TSHZ3: variants seen among roughly 807,000 people sequenced by gnomAD.
The protein encoded by TSHZ3 is teashirt zinc finger homeobox 3.
Under a neutral mutation model 64.5 loss-of-function variants are expected in TSHZ3, and 10 were observed. The observed-to-expected ratio is 0.16, with a 90% confidence interval of 0.10 to 0.26. TSHZ3 has a LOEUF of 0.26. Among genes scored for constraint, TSHZ3 ranks in the 10% least tolerant of loss-of-function variants. TSHZ3 has a pLI of 1.00. For synonymous variants in TSHZ3, 608 were observed against 593.1 expected, an observed-to-expected ratio of 1.03 and a Z score of -0.36; for missense variants, 1,242 against 1,421.7, an observed-to-expected ratio of 0.87 and a Z score of 2.03.
chr19:31,270,557 C>T, downstream of TSHZ3, among the ~76,000 whole-genome samples: 1 of 152,200 alleles, frequency 6.6e-6, no homozygotes, highest in Non-Finnish European at 1.5e-5. Context: ...TCAAGTGATT[C>T]TCCCACTTCA....
At chr19:31,222,025 G>A (rs1034427778) in intron 4 of TSHZ3, among the ~76,000 whole-genome samples, 1 of 152,166 alleles carries the variant, frequency 6.6e-6, no homozygotes, top group Non-Finnish European at 1.5e-5. Flanking sequence ...GACAGTGTAC[G>A]TGGTTGAGTT....
At chr19:31,326,735 A>G (rs1916940311) in intron 1 of TSHZ3, among the ~76,000 whole-genome samples, 1 of 152,242 alleles carries the variant, frequency 6.6e-6, no homozygotes, top group Non-Finnish European at 1.5e-5. Flanking sequence ...GGGAGAACGG[A>G]GCACATGGAA....
chr19:31,237,508 G>T (rs757136379), intron 3 of TSHZ3, among the ~76,000 whole-genome samples: 5 of 151,434 alleles, frequency 3.3e-5, no homozygotes, highest in Non-Finnish European at 5.9e-5. Context: ...TCATTAATTT[G>T]TCTTCCTAGA....
chr19:31,296,386 G>A (rs568356315), intron 1 of TSHZ3, among the ~76,000 whole-genome samples: 25 of 144,364 alleles, frequency 1.7e-4, no homozygotes, highest in African/African-American at 6.5e-4. Flanking sequence ...CCAGGCTGGA[G>A]TCCAGTGGTG....
At chr19:31,159,784 C>A (rs1599552841) in intron 5 of TSHZ3, among the ~76,000 whole-genome samples, 1 of 152,166 alleles carries the variant, frequency 6.6e-6, no homozygotes, top group East Asian at 1.9e-4. Context: ...CTTCAATCTC[C>A]TGGGTTCAAG....
At chr19:31,222,004 C>G (rs1975399822) in intron 4 of TSHZ3, among the ~76,000 whole-genome samples, 1 of 152,154 alleles carries the variant, frequency 6.6e-6, no homozygotes, top group Non-Finnish European at 1.5e-5. Context: ...GGTTGGAGCT[C>G]ATGGTCCCCT....
chr19:31,309,100 G>A (rs1916380256), intron 1 of TSHZ3, among the ~76,000 whole-genome samples: 1 of 152,224 alleles, frequency 6.6e-6, no homozygotes, highest in Non-Finnish European at 1.5e-5. Context: ...AGCTTTGCTT[G>A]GTGTGAAGAT....
chr19:31,247,837 G>A (rs150023153), intron 1 of TSHZ3, among the ~76,000 whole-genome samples: 2 of 147,464 alleles, frequency 1.4e-5, no homozygotes, highest in South Asian at 2.2e-4. Flanking sequence ...ATTAAAGTGC[G>A]TGTATACACA....
chr19:31,172,608 G>T (rs1974550963), intron 5 of TSHZ3, among the ~76,000 whole-genome samples: 1 of 152,182 alleles, frequency 6.6e-6, no homozygotes. Context: ...ACGTTCTAGT[G>T]GAAAGACAAA....
rs949501676 is a variant in TSHZ3, at chr19:31,201,905, G to T, written n.809+3051C>A. Among the ~76,000 whole-genome samples, 63 of 152,208 alleles carry T rather than the reference G, an allele frequency of 4.1e-4. 1 individual carries two copies. Among genetic ancestry groups the T allele is most frequent in the Admixed American group, 2.0e-4 (3 of 15,280 alleles). ...GTCATGGCTGGGCGCAGTGGCTCAT[G>T]CCTGTAATCCCAGCACTTTGGGAGG... On this transcript the variant is annotated intron_variant and non_coding_transcript_variant, in intron 5 of 6. Transcript: ENST00000651361.
At chr19:31,230,860 C>T (rs557984494) in intron 3 of TSHZ3, among the ~76,000 whole-genome samples, 36 of 151,682 alleles carry the variant, frequency 2.4e-4, no homozygotes, top group Admixed American at 8.5e-4. Flanking sequence ...CCACCACGCG[C>T]GGCTAATTTT....
chr19:31,188,853 T>C (rs1244841268), intron 5 of TSHZ3, among the ~76,000 whole-genome samples: 4 of 151,936 alleles, frequency 2.6e-5, no homozygotes, highest in Non-Finnish European at 4.4e-5. Context: ...TGAAACAGTT[T>C]GTGAAAAATT....
intron 3 of TSHZ3, among the ~76,000 whole-genome samples, chr19:31,235,061 G>A (rs1203010635): frequency 3.3e-5 from 5 of 151,986 alleles, no homozygotes; most frequent in East Asian, 3.9e-4. Context: ...TGTGGTATAC[G>A]TTACAAATAA....
At chr19:31,333,506 G>C (rs1398235234) in intron 1 of TSHZ3, among the ~76,000 whole-genome samples, 2 of 152,058 alleles carry the variant, frequency 1.3e-5, no homozygotes, top group Non-Finnish European at 2.9e-5. Flanking sequence ...CCTTGAACCA[G>C]CAAATCCTCA....
intron 4 of TSHZ3, among the ~76,000 whole-genome samples, chr19:31,227,833 AC>A: frequency 6.6e-6 from 1 of 152,160 alleles, no homozygotes; most frequent in East Asian, 1.9e-4. Flanking sequence ...AATCTCAGCA[AC>A]CATCCAGTTT....
In TSHZ3 at chr19:31,226,977, C is replaced by CTTTTT. The variant is rs3030229; in HGVS notation, n.686+1023_686+1027dup. 7.7e-3 allele frequency among the ~76,000 whole-genome samples: 506 copies of CTTTTT among 65,600 alleles called. 17 individuals carry two copies. Among genetic ancestry groups the CTTTTT allele is most frequent in the African/African-American group, 0.02 (203 of 10,300 alleles). The allele number at this position is 65,600 out of a possible 152,430, so 43.0% of individuals were successfully genotyped here. On this transcript the variant is annotated intron_variant and non_coding_transcript_variant, in intron 4 of 6. Transcript: ENST00000651361. ...TTTTCTTCTCTTTCTTTCTTTCTTT[C>CTTTTT]TTTTTTTTTTTTTTTTTTTGAGATG...
intron 5 of TSHZ3, among the ~76,000 whole-genome samples, chr19:31,201,296 T>A (rs1568345965): frequency 1.3e-5 from 2 of 152,116 alleles, no homozygotes; most frequent in African/African-American, 4.8e-5. Flanking sequence ...AGTTATAAAA[T>A]GACTTAAAAA....
intron 1 of TSHZ3, among the ~76,000 whole-genome samples, chr19:31,315,680 C>T (rs909381254): frequency 6.6e-6 from 1 of 152,194 alleles, no homozygotes; most frequent in Non-Finnish European, 1.5e-5. Flanking sequence ...AAAAGAAAAA[C>T]GGCTGGCAAT....
In TSHZ3 at chr19:31,279,523, G is replaced by A. The variant is rs760494000; in HGVS notation, c.270C>T (p.Ser90=). Residue 90 remains serine (S), a synonymous_variant, in exon 2 of 2, where the codon AGC becomes AGT. Coordinates refer to ENST00000240587, the MANE Select transcript of TSHZ3 (RefSeq NM_020856.4). The surrounding 1 kb of genome is among the most constrained non-coding windows in gnomAD (Gnocchi z 6.4). ...ETSDRMADFE[S]GSIKNEEETK... The stretch of plus-strand genomic sequence containing the variant: ...TCTCCTCTTCGTTCTTGATGGAGCC[G>A]CTTTCAAAGTCAGCCATTCGGTCAC... 2.9e-5 allele frequency: 47 copies of A among 1,611,502 alleles called. No individual in the cohort carries two copies. The highest frequency in any genetic ancestry group is 1.6e-4 in the Middle Eastern group (1 of 6,068).
Sources: allele counts gnomAD v4.1 joint callset (sites outside exome capture counted in the v4.1 genomes callset), GRCh38; gene constraint gnomAD v4.1.1; non-coding constraint Gnocchi (gnomAD v3.1); transcripts MANE v1.5; gene names NCBI Gene and HGNC (gene_info 2026-07-23, HGNC 2026-07-21).